The following SH2D5 variants were observed in gnomAD, a reference collection of about 807,000 sequenced individuals.
SH2D5 encodes the protein SH2 domain-containing protein 5.
A neutral mutation model predicts 48.2 loss-of-function variants in SH2D5; 45 were observed. The observed-to-expected ratio is 0.93, with a 90% CI of 0.73 to 1.20. The LOEUF (loss-of-function observed/expected upper bound fraction) is 1.20, where lower values mean the gene tolerates loss of function less well. Among genes scored for constraint, SH2D5 ranks in the 50% most tolerant of loss-of-function variants. The pLI is 0.00. For synonymous variants in SH2D5, 230 were observed against 249.8 expected (o/e 0.92, Z 0.75); for missense variants, 538 against 584.1 (o/e 0.92, Z 0.81).
chr1:20,722,850 C>T lies in SH2D5; in HGVS notation c.974G>A (p.Gly325Asp). Residue 325 changes from glycine to aspartate, a missense_variant, in exon 9 of 10, where the codon GGT becomes GAT. Transcript: ENST00000444387. ...GGACAGACACCACTGGCCGCTAGCA[C>T]CCAGCTCAGGCCACAGCAGGAAGGC... ...LGAFLLWPEL[G>D]ASGQWCLSVR... 6.2e-7 allele frequency: 1 copy of T among 1,605,752 alleles called. No individual in the cohort carries two copies. The highest frequency in any genetic ancestry group is 8.5e-7 in the Non-Finnish European group (1 of 1,176,674).
At chr1:20,724,000 C>T in intron 7 of SH2D5, 83 bp downstream of exon 7, 2 of 1,530,090 alleles carry the variant, frequency 1.3e-6, no homozygotes, top group Non-Finnish European at 1.8e-6. Flanking sequence ...GGAACGGGCA[C>T]TCACGCCCAC....
intron 1 of SH2D5, among the ~76,000 whole-genome samples, chr1:20,731,951 C>T (rs2054918845): frequency 6.6e-6 from 1 of 151,870 alleles, no homozygotes; most frequent in South Asian, 2.1e-4. Context: ...CTCCCGCGCC[C>T]GTGTCAGCGT....
At chr1:20,724,286 C>T in intron 6 of SH2D5, 35 bp from the exon 7 acceptor site, 1 of 1,610,050 alleles carries the variant, frequency 6.2e-7, no homozygotes, top group Non-Finnish European at 8.5e-7. Flanking sequence ...GGCAGGCAGA[C>T]TCAGGTCTAG....
chr1:20,725,979 G>A lies in SH2D5; in HGVS notation c.331C>T (p.Pro111Ser), dbSNP rs767777430. 14 of 1,613,090 alleles carry A rather than the reference G, an allele frequency of 8.7e-6. No individual in the cohort carries two copies. The African/African-American group carries it at 1.1e-4, about 12-fold the overall frequency. ...AAGAGCTTGCTGGCTGGGCTCCGTG[G>A]GTTTCGAGCCATGAAGGCAAACTGG... ...DCQFAFMARN[P>S]RSPASKLFCH... is the part of the protein sequence containing the mutation. Residue 111 changes from proline (P) to serine (S), a missense_variant, in exon 5 of 10, where the codon CCA (proline) becomes TCA (serine). Transcript: ENST00000444387.
chr1:20,721,710 G>C lies in SH2D5; in HGVS notation c.*82C>G, dbSNP rs545598608. The C allele has an allele frequency of 2.5e-5, 33 of 1,301,218 alleles. No homozygotes were observed. In the African/African-American group the frequency reaches 4.8e-4, roughly 19 times the overall value. 80.6% of individuals were successfully genotyped at this position (1,301,218 alleles called of 1,614,324 possible). A position where few individuals can be genotyped will look rare whatever the true frequency, so the allele number is the denominator to read the frequency against. ...GGTGACTGGATGGAACTGGCAACCA[G>C]AGGGGTGCAGGACGGGCAGAGATGC... On this transcript the variant is annotated 3_prime_UTR_variant, in exon 10 of 10. Coordinates refer to ENST00000444387, the MANE Select transcript of SH2D5 (RefSeq NM_001103161.2).
At position 20,728,533 on chromosome 1, in the gene SH2D5, GAAGA is replaced by G. The variant is rs2054851402; in HGVS notation, c.-42-451_-42-448del. Among the ~76,000 whole-genome samples, 2 of 152,274 alleles carry G rather than the reference GAAGA, an allele frequency of 1.3e-5. No individual in the cohort carries two copies. The highest frequency in any genetic ancestry group is 6.5e-5 in the Admixed American group (1 of 15,308). ...GGCCTGCCCCAGGGGCTGGTTACAG[GAAGA>G]CCTGTAACCAGATTGCACAAAGTGC... On this transcript the variant is annotated intron_variant, in intron 1 of 9. Coordinates refer to ENST00000444387, the MANE Select transcript of SH2D5 (RefSeq NM_001103161.2). This position sits in a 1 kb window ranked among gnomAD's most constrained non-coding sequence, Gnocchi z 4.3.
Position 20,724,257 on chromosome 1 carries a change from G to A in SH2D5, c.631-6C>T, listed in dbSNP as rs1334346816. 2.5e-6 allele frequency: 4 copies of A among 1,611,608 alleles called. No homozygotes were observed. Among genetic ancestry groups the A allele is most frequent in the African/African-American group, 2.7e-5 (2 of 74,938 alleles). ...TCCGACTCTGGCAGCTCCTTCTAGG[G>A]CACCAAGAGGGGCCCACAGGCAGGC... On this transcript the variant is annotated splice_region_variant and splice_polypyrimidine_tract_variant and intron_variant, in intron 6 of 9. Transcript: ENST00000444387.
chr1:20,729,241 T>C lies in SH2D5; in HGVS notation c.-42-1155A>G, dbSNP rs1195429789. On this transcript the variant is annotated intron_variant, in intron 1 of 9. Transcript: ENST00000444387. The surrounding 1 kb of genome is among the most constrained non-coding windows in gnomAD (Gnocchi z 4.2). ...CCAAGAAAGAATGGCTAAATGCCTC[T>C]GGCGAGGTCCCCCAGGACTCAGCTC... 2.0e-5 allele frequency among the ~76,000 whole-genome samples: 3 copies of C among 152,336 alleles called. No homozygotes were observed. In the East Asian group the frequency reaches 5.8e-4, roughly 29 times the overall value.
rs2054925674 is a variant in SH2D5, at chr1:20,732,362, C to A, written c.-224G>T. ...ATCCCCCGCGCCTCACTCACGGGTC[C>A]CTCCTCCTGGAGGGCCTCTGCCCCT... On this transcript the variant is annotated 5_prime_UTR_variant, in exon 1 of 10. An upstream open reading frame in the 5' UTR gains an earlier in-frame stop. Transcript: ENST00000444387. This position sits in a 1 kb window ranked among gnomAD's most constrained non-coding sequence, Gnocchi z 5.1. 6.6e-6 allele frequency: 1 copy of A among 152,206 alleles called. No individual in the cohort carries two copies. The highest frequency in any genetic ancestry group is 1.5e-5 in the Non-Finnish European group (1 of 68,036). 9.4% of individuals were successfully genotyped at this position (152,206 alleles called of 1,614,324 possible).
chr1:20,727,146 C>A (rs768572185), intron 3 of SH2D5, 71 bp from the exon 4 acceptor site: 27 of 1,351,154 alleles, frequency 2.0e-5, no homozygotes, highest in Non-Finnish European at 2.5e-5. Flanking sequence ...AGCCTCAGGA[C>A]CATCCACCAA....
At chr1:20,727,187 C>A in intron 3 of SH2D5, 112 bp from the exon 4 acceptor site, 1 of 913,860 alleles carries the variant, frequency 1.1e-6, no homozygotes, top group Non-Finnish European at 1.6e-6. Context: ...CCACCCCTGG[C>A]AGGGGGTGGG....
At position 20,722,746 on chromosome 1, in the gene SH2D5, G is replaced by A; in HGVS notation, c.1068+10C>T. 6.8e-7 allele frequency: 1 copy of A among 1,464,986 alleles called. No homozygotes were observed. Among genetic ancestry groups the A allele is most frequent in the Non-Finnish European group, 9.1e-7 (1 of 1,101,620 alleles). 90.7% of individuals were successfully genotyped at this position (1,464,986 alleles called of 1,614,324 possible). A position where few individuals can be genotyped will look rare whatever the true frequency, so the allele number is the denominator to read the frequency against. ...CAGGGCCCAGGCCCCTCTGGCTGCT[G>A]CGCTCTTACCTCCAAGCAGTAGCGG... is the stretch of plus-strand genomic sequence containing the variant. On this transcript the variant is annotated intron_variant, in intron 9 of 9. Transcript: ENST00000444387.
intron 9 of SH2D5, among the ~76,000 whole-genome samples, chr1:20,722,451 C>T (rs1299101693): frequency 6.6e-6 from 1 of 152,170 alleles, no homozygotes; most frequent in Non-Finnish European, 1.5e-5. Flanking sequence ...GAGAAGGGTC[C>T]TCGGTGACCA....
chr1:20,722,626 C>G (rs1205102926), intron 9 of SH2D5, 130 bp downstream of exon 9: 1 of 973,706 alleles, frequency 1.0e-6, no homozygotes, highest in African/African-American at 1.7e-5. Flanking sequence ...CAGGGAGAGC[C>G]AATGGGAGAC....
Position 20,724,082 on chromosome 1 carries a change from C to T in SH2D5, c.799+1G>A. ...AGGGCAGGCATGTTCCCACAACTCACAGGCCTCCCGAGCCGACAGCTGCAG... is the reference window on the plus strand; with the variant it reads ...AGGGCAGGCATGTTCCCACAACTCATAGGCCTCCCGAGCCGACAGCTGCAG... On this transcript the variant is annotated splice_donor_variant, in intron 7 of 9. Coordinates refer to ENST00000444387, the MANE Select transcript of SH2D5 (RefSeq NM_001103161.2). LOFTEE classifies it high-confidence loss of function. 6.2e-7 allele frequency: 1 copy of T among 1,609,906 alleles called. No homozygotes were observed. Among genetic ancestry groups the T allele is most frequent in the South Asian group, 1.1e-5 (1 of 91,010 alleles).
chr1:20,727,125 T>C, intron 3 of SH2D5, 50 bp from the exon 4 acceptor site: 1 of 1,509,744 alleles, frequency 6.6e-7, no homozygotes, highest in Non-Finnish European at 9.1e-7. Flanking sequence ...AGACCCTGCC[T>C]TGGCCTGCCC....
chr1:20,729,936 G>T lies in SH2D5; in HGVS notation c.-42-1850C>A, dbSNP rs185460935. Reference sequence around the variant, plus strand: ...CCTGCTTTTCTGGGCTATTGCACCCGGATCATTTTCATGTCATATCCTTTA... The same window carrying T: ...CCTGCTTTTCTGGGCTATTGCACCCTGATCATTTTCATGTCATATCCTTTA... On this transcript the variant is annotated intron_variant, in intron 1 of 9. Transcript: ENST00000444387. This position sits in a 1 kb window ranked among gnomAD's most constrained non-coding sequence, Gnocchi z 4.2. Among the ~76,000 whole-genome samples the T allele has an allele frequency of 6.6e-6, 1 of 152,328 alleles. No individual in the cohort carries two copies. The highest frequency in any genetic ancestry group is 1.9e-4 in the East Asian group (1 of 5,184).
chr1:20,728,579 C>T lies in SH2D5; in HGVS notation c.-42-493G>A, dbSNP rs1340987309. On this transcript the variant is annotated intron_variant, in intron 1 of 9. Transcript: ENST00000444387. The surrounding 1 kb of genome is among the most constrained non-coding windows in gnomAD (Gnocchi z 4.3). ...ACAAAGTGCCAGAGGGAAGGGAGGG[C>T]CACCTGAGAGGGCGCCATCAAAGAG... Among the ~76,000 whole-genome samples the T allele has an allele frequency of 6.6e-6, 1 of 152,138 alleles. No homozygotes were observed. The highest frequency in any genetic ancestry group is 2.4e-5 in the African/African-American group (1 of 41,428).
chr1:20,723,883 GT>G, intron 7 of SH2D5, 149 bp from the exon 8 acceptor site: 1 of 991,824 alleles, frequency 1.0e-6, no homozygotes, highest in South Asian at 1.6e-5. Flanking sequence ...CCGCCCGACA[GT>G]TCTGGTCCAT....
Sources: gnomAD v4.1 joint callset for allele counts (sites outside exome capture counted in the v4.1 genomes callset) on GRCh38, gnomAD v4.1.1 for gene constraint, Gnocchi (gnomAD v3.1) non-coding constraint, MANE v1.5 for transcripts, NCBI Gene and HGNC (gene_info 2026-07-23, HGNC 2026-07-21) for gene names.